Variants in TFB2M observed in about 807,000 individuals in gnomAD.
The protein encoded by TFB2M is dimethyladenosine transferase 2, mitochondrial.
TFB2M carries 44 observed loss-of-function variants against 41.3 expected under a neutral mutation model. That is an observed-to-expected ratio of 1.07 (90% CI 0.84 to 1.37). The LOEUF is 1.37. Among genes scored for constraint, TFB2M ranks in the 40% most tolerant of loss-of-function variants. The pLI is 0.00. For synonymous variants in TFB2M, 188 were observed against 176.8 expected (o/e 1.06, Z -0.50); for missense variants, 496 against 490.2 (o/e 1.01, Z -0.11).
At chr1:246,551,083 G>C (rs1230018368) in intron 5 of TFB2M, 130 bp downstream of exon 5, 5 of 666,656 alleles carry the variant, frequency 7.5e-6, no homozygotes, top group Non-Finnish European at 1.3e-5. Flanking sequence ...GCTAAGGTGA[G>C]AGGATCACTT....
intron 2 of TFB2M, among the ~76,000 whole-genome samples, chr1:246,561,560 C>G (rs1486972069): frequency 3.3e-5 from 5 of 152,066 alleles, no homozygotes; most frequent in Non-Finnish European, 7.4e-5. Context: ...CTCCACCTAC[C>G]GGGTTCAAGT....
chr1:246,547,007 A>G (rs1659041332), intron 6 of TFB2M, among the ~76,000 whole-genome samples: 1 of 112,282 alleles, frequency 8.9e-6, no homozygotes, highest in African/African-American at 3.3e-5. Flanking sequence ...TTTTTGAGAC[A>G]AAGTCTCACT....
At position 246,565,988 on chromosome 1, in the gene TFB2M, G is replaced by C. The variant is rs774152282; in HGVS notation, c.151C>G (p.Leu51Val). ...TTCCTGAAATCCGGTTCGGGCCACA[G>C]CTGCGGAGAGGAGTCAGAGAGCCCA... ...HCGLSDSSPQ[L>V]WPEPDFRNPP... The change falls in exon 1 of 8, where the codon CTG becomes GTG. Residue 51 changes from leucine to valine, a missense_variant. Coordinates refer to ENST00000366514, the MANE Select transcript of TFB2M (RefSeq NM_022366.3). The C allele has an allele frequency of 6.2e-7, 1 of 1,614,226 alleles. No homozygotes were observed. Among genetic ancestry groups the C allele is most frequent in the South Asian group, 1.1e-5 (1 of 91,088 alleles).
At chr1:246,563,015 C>G (rs1170178374) in intron 2 of TFB2M, among the ~76,000 whole-genome samples, 1 of 152,054 alleles carries the variant, frequency 6.6e-6, no homozygotes, top group Non-Finnish European at 1.5e-5. Flanking sequence ...TTGACGGACC[C>G]GCTTCCTGGT....
chr1:246,557,119 CA>C (rs1237837653), intron 3 of TFB2M, among the ~76,000 whole-genome samples: 12 of 151,844 alleles, frequency 7.9e-5, no homozygotes, highest in Non-Finnish European at 1.5e-4. Context: ...ACCAAAAATA[CA>C]AAAAAATAAC....
At chr1:246,541,754 T>C (rs1380743738) in intron 7 of TFB2M, among the ~76,000 whole-genome samples, 1 of 152,236 alleles carries the variant, frequency 6.6e-6, no homozygotes, top group Non-Finnish European at 1.5e-5. Context: ...CAAAAAATAT[T>C]CTTAACTTCT....
At chr1:246,546,645 GAA>G (rs35909822) in intron 6 of TFB2M, among the ~76,000 whole-genome samples, 4 of 137,176 alleles carry the variant, frequency 2.9e-5, no homozygotes, top group South Asian at 4.7e-4. Context: ...ATAAAAAAAG[GAA>G]AAAAAAAAAA....
chr1:246,544,977 T>C (rs1049877634), intron 6 of TFB2M, among the ~76,000 whole-genome samples: 3 of 151,990 alleles, frequency 2.0e-5, no homozygotes, highest in Non-Finnish European at 1.5e-5. Flanking sequence ...GGCTAATTTT[T>C]TGTATTTTTA....
chr1:246,562,305 GA>G (rs1334986757), intron 2 of TFB2M, among the ~76,000 whole-genome samples: 12 of 152,212 alleles, frequency 7.9e-5, no homozygotes, highest in African/African-American at 2.9e-4. Context: ...ATGAGAGTAA[GA>G]GACTGGTTAA....
intron 5 of TFB2M, 109 bp from the exon 6 acceptor site, chr1:246,548,716 T>C (rs2102985430): frequency 2.1e-6 from 2 of 937,956 alleles, no homozygotes; most frequent in South Asian, 1.5e-5. Flanking sequence ...GAATGGTCAG[T>C]CTAATTGGAT....
rs956660131 is a variant in TFB2M, at chr1:246,555,021, T to C, written c.705+1552A>G. ...ACTCAGCAACAAACAAAATAACCCA[T>C]TAAAAATGGGCAAATGTCTTGAACA... On this transcript the variant is annotated intron_variant, in intron 4 of 7. Coordinates refer to ENST00000366514, the MANE Select transcript of TFB2M (RefSeq NM_022366.3). 3.3e-5 allele frequency among the ~76,000 whole-genome samples: 5 copies of C among 152,118 alleles called. 1 individual carries two copies. The highest frequency in any genetic ancestry group is 7.4e-5 in the Non-Finnish European group (5 of 68,004).
At chr1:246,553,099 G>A (rs1257505846) in intron 4 of TFB2M, among the ~76,000 whole-genome samples, 1 of 152,134 alleles carries the variant, frequency 6.6e-6, no homozygotes, top group African/African-American at 2.4e-5. Flanking sequence ...GCGCGTGCCT[G>A]TAATCCCAGC....
chr1:246,541,131 T>G lies in TFB2M; in HGVS notation c.1091A>C (p.Asn364Thr). ...TGTTTTGAAGTCTTGAGGGTGCATG[T>G]TAACTACTTTCTCATCCTCCTGTTT... ...IGKQEDEKVVNMHPQDFKTLF... is the reference protein window; with the variant it reads ...IGKQEDEKVVTMHPQDFKTLF... The change falls in exon 8 of 8, where the codon AAC becomes ACC. Residue 364 changes from asparagine (N) to threonine (T), a missense_variant. Asn to Thr is a moderately conservative substitution (Grantham distance 65, BLOSUM62 0). Transcript: ENST00000366514. 6.2e-7 allele frequency: 1 copy of G among 1,614,176 alleles called. No homozygotes were observed. The highest frequency in any genetic ancestry group is 1.1e-5 in the South Asian group (1 of 91,082).
intron 4 of TFB2M, among the ~76,000 whole-genome samples, chr1:246,555,292 A>G (rs1269688475): frequency 6.6e-6 from 1 of 152,202 alleles, no homozygotes; most frequent in East Asian, 1.9e-4. Context: ...CAGTTCCTCA[A>G]AAAACTAAAA....
chr1:246,562,346 T>C (rs1474829364), intron 2 of TFB2M, among the ~76,000 whole-genome samples: 1 of 152,240 alleles, frequency 6.6e-6, no homozygotes, highest in Non-Finnish European at 1.5e-5. Context: ...TTCTTCATTG[T>C]TACGTAAATG....
intron 6 of TFB2M, among the ~76,000 whole-genome samples, 196 bp downstream of exon 6, chr1:246,548,349 G>T (rs192478116): frequency 5.9e-5 from 9 of 152,106 alleles, no homozygotes; most frequent in Admixed American, 5.2e-4. Context: ...TACTATGCTA[G>T]CATCCATTGT....
chr1:246,557,065 G>A (rs1039747256), intron 3 of TFB2M, among the ~76,000 whole-genome samples: 1 of 152,190 alleles, frequency 6.6e-6, no homozygotes, highest in East Asian at 1.9e-4. Flanking sequence ...CTTGAGGGCT[G>A]GAGTTTGAGA....
chr1:246,552,583 C>T (rs1659214831), intron 4 of TFB2M, among the ~76,000 whole-genome samples: 1 of 151,806 alleles, frequency 6.6e-6, no homozygotes, highest in Non-Finnish European at 1.5e-5. Context: ...ACAGGTGGTC[C>T]CAGCTACAGG....
chr1:246,542,026 T>A (rs1658871468), intron 7 of TFB2M, among the ~76,000 whole-genome samples: 1 of 152,136 alleles, frequency 6.6e-6, no homozygotes, highest in African/African-American at 2.4e-5. Flanking sequence ...ATTACAGACT[T>A]AGGATATATG....
Sources: gnomAD v4.1 joint callset for allele counts (sites outside exome capture counted in the v4.1 genomes callset) on GRCh38, gnomAD v4.1.1 for gene constraint, MANE v1.5 for transcripts, NCBI Gene and HGNC (gene_info 2026-07-23, HGNC 2026-07-21) for gene names.